CNOT1: variants seen among roughly 807,000 people sequenced by gnomAD.
CNOT1 encodes the protein CCR4-associated factor 1.
In CNOT1, 15 loss-of-function variants were observed where a neutral mutation model predicts 273.8. The ratio of observed to expected loss-of-function variants is 0.05; its 90% CI spans 0.04 to 0.08. CNOT1 has a LOEUF of 0.08. Ranked by LOEUF, CNOT1 falls within the 10% of genes least tolerant of loss-of-function variation. The pLI is 1.00. For synonymous variants in CNOT1, 1,022 were observed against 1,005.5 expected, an observed-to-expected ratio of 1.02 and a Z score of -0.31; for missense variants, 1,644 against 2,912.2, an observed-to-expected ratio of 0.56 and a Z score of 10.02.
rs369191199 is a variant in CNOT1, at chr16:58,599,360, C to T, written c.-23G>A. 1.6e-5 allele frequency: 26 copies of T among 1,613,808 alleles called. No individual in the cohort carries two copies. The highest frequency in any genetic ancestry group is 1.6e-4 in the African/African-American group (12 of 74,912). On this transcript the variant is annotated 5_prime_UTR_variant, in exon 2 of 49. Transcript: ENST00000317147. ...CATTGCTGGTTGGGGCGGAAGCAGG[C>T]GGCCGAGCCCGGCGCAAAATCACCA...
intron 16 of CNOT1, among the ~76,000 whole-genome samples, chr16:58,570,116 C>T (rs2041216045): frequency 6.6e-6 from 1 of 152,112 alleles, no homozygotes; most frequent in Non-Finnish European, 1.5e-5. Context: ...GGAATGCCAA[C>T]CAGGAATCCT....
chr16:58,599,977 C>T (rs2405860), intron 1 of CNOT1, among the ~76,000 whole-genome samples: 114,364 of 151,562 alleles, frequency 0.75, 43,508 homozygotes, highest in Middle Eastern at 0.87. Context: ...GCAGGAGGAC[C>T]GCTTGAAACT....
Position 58,525,273 on chromosome 16 carries a change from G to T in CNOT1, c.6690C>A (p.Ile2230=), listed in dbSNP as rs1448055979. 1 of 1,614,004 alleles carries T rather than the reference G, an allele frequency of 6.2e-7. No homozygotes were observed. Among genetic ancestry groups the T allele is most frequent in the South Asian group, 1.1e-5 (1 of 91,066 alleles). ...LYVGTQAIAH[I]HNKGSTPSMS... is the part of the protein sequence containing the mutation. ...TTGAAGGTGTGCTGCCCTTGTTGTG[G>T]ATGTGCGCAATGGCCTGAGTCCCGA... Residue 2230 remains isoleucine (I), a synonymous_variant, in exon 46 of 49, where the codon ATC becomes ATA. Coordinates refer to ENST00000317147, the MANE Select transcript of CNOT1 (RefSeq NM_016284.5).
Position 58,558,627 on chromosome 16 carries a change from A to G in CNOT1, c.2178T>C (p.Ala726=). The G allele has an allele frequency of 6.2e-7, 1 of 1,613,610 alleles. No homozygotes were observed. The highest frequency in any genetic ancestry group is 8.5e-7 in the Non-Finnish European group (1 of 1,179,812). The change falls in exon 18 of 49, where the codon GCT becomes GCC. Residue 726 remains alanine (A), a synonymous_variant. Coordinates refer to ENST00000317147, the MANE Select transcript of CNOT1 (RefSeq NM_016284.5). ...CCTGCATACTCTGGGTGTGAGGGGC[A>G]GCTGAACCACCTATACTAAGAGATG... is the stretch of plus-strand genomic sequence containing the variant. ...GMTSLSIGGS[A]APHTQSMQGF...
intron 43 of CNOT1, among the ~76,000 whole-genome samples, chr16:58,529,177 C>T (rs894684967): frequency 2.6e-5 from 4 of 152,120 alleles, no homozygotes; most frequent in East Asian, 3.9e-4. Flanking sequence ...ACTTTATGCT[C>T]ATAAATCTGA....
chr16:58,543,786 T>A lies in CNOT1; in HGVS notation c.4255A>T (p.Thr1419Ser). 6.2e-7 allele frequency: 1 copy of A among 1,614,106 alleles called. No homozygotes were observed. The highest frequency in any genetic ancestry group is 8.5e-7 in the Non-Finnish European group (1 of 1,180,022). The change falls in exon 31 of 49, where the codon ACT (threonine) becomes TCT (serine). Residue 1419 changes from threonine (T) to serine (S), a missense_variant. By Grantham distance (58) the Thr-to-Ser change is moderately conservative (BLOSUM62 1). Transcript: ENST00000317147. ...TCCTTCCTGACTATTTGCTCACAAG[T>A]AGTCATGGCAATCTTAATTGATCGA... is the stretch of plus-strand genomic sequence containing the variant. The part of the protein sequence containing the change: ...VDRSIKIAMT[T>S]CEQIVRKDFA...
At chr16:58,622,783 G>A (rs1231291192) in intron 1 of CNOT1, among the ~76,000 whole-genome samples, 5 of 151,306 alleles carry the variant, frequency 3.3e-5, no homozygotes, top group Admixed American at 1.3e-4. Flanking sequence ...GGAGGCAGAG[G>A]TTGCAGTGAG....
chr16:58,523,097 T>C, intron 47 of CNOT1: 1 of 201,830 alleles, frequency 5.0e-6, no homozygotes, highest in Non-Finnish European at 1.0e-5. Context: ...ATACAAAAAT[T>C]AGCTGGGCGT....
At chr16:58,584,662 T>TTTTTTTTTTTTTTTTTTGAGA (rs2041776047) in intron 8 of CNOT1, among the ~76,000 whole-genome samples, 1 of 152,098 alleles carries the variant, frequency 6.6e-6, no homozygotes, top group African/African-American at 2.4e-5. Context: ...TGCATCTTAT[T>TTTTTTTTTTTTTTTTTTGAGA]CAGTTTGATT....
chr16:58,560,699 G>A lies in CNOT1; in HGVS notation c.1980-337C>T, dbSNP rs140717350. On this transcript the variant is annotated intron_variant, in intron 16 of 48. Coordinates refer to ENST00000317147, the MANE Select transcript of CNOT1 (RefSeq NM_016284.5). ...TTGAGGCCAACCTGGGCAAGATAGC[G>A]AGACCCCATGTCTACAAATATTAAA... Among the ~76,000 whole-genome samples, 67 of 152,250 alleles carry A rather than the reference G, an allele frequency of 4.4e-4. No homozygotes were observed. The East Asian group carries it at 0.013, about 29-fold the overall frequency.
At chr16:58,589,629 A>T (rs1211376313) in intron 2 of CNOT1, among the ~76,000 whole-genome samples, 2 of 152,204 alleles carry the variant, frequency 1.3e-5, no homozygotes, top group Non-Finnish European at 2.9e-5. Flanking sequence ...CAAAAACACC[A>T]CATGGCATTG....
intron 1 of CNOT1, among the ~76,000 whole-genome samples, chr16:58,607,804 C>T (rs1480378288): frequency 6.7e-6 from 1 of 149,004 alleles, no homozygotes; most frequent in Non-Finnish European, 1.5e-5. Context: ...GAAGTCAGAA[C>T]AAAAATTCAC....
intron 31 of CNOT1, chr16:58,543,181 C>A: frequency 6.9e-7 from 1 of 1,456,230 alleles, no homozygotes; most frequent in Non-Finnish European, 9.1e-7. Flanking sequence ...GAATTATTAA[C>A]CATGATATCT....
In CNOT1 at chr16:58,574,641, C is replaced by A. The variant is rs772275643; in HGVS notation, c.1947G>T (p.Ala649=). The part of the protein sequence containing the change: ...KSAQLPPETL[A]TMLACLQACA... Reference sequence around the variant, plus strand: ...AAGCTTGCAGACAGGCCAACATTGTCGCCAAAGTTTCTGGAGGAAGTTGAG... The same window carrying A: ...AAGCTTGCAGACAGGCCAACATTGTAGCCAAAGTTTCTGGAGGAAGTTGAG... Residue 649 remains alanine, a synonymous_variant, in exon 16 of 49, where the codon GCG becomes GCT. Transcript: ENST00000317147. 2 of 1,600,658 alleles carry A rather than the reference C, an allele frequency of 1.2e-6. No homozygotes were observed. Among genetic ancestry groups the A allele is most frequent in the Non-Finnish European group, 8.5e-7 (1 of 1,177,336 alleles).
intron 1 of CNOT1, among the ~76,000 whole-genome samples, chr16:58,605,642 G>A (rs1230664839): frequency 6.6e-6 from 1 of 152,108 alleles, no homozygotes; most frequent in East Asian, 1.9e-4. Flanking sequence ...CAATAAAAAT[G>A]CTAAATCCTT....
At chr16:58,569,693 C>A (rs1189443066) in intron 16 of CNOT1, among the ~76,000 whole-genome samples, 4 of 138,994 alleles carry the variant, frequency 2.9e-5, no homozygotes, top group Non-Finnish European at 6.1e-5. Context: ...ATTATCCAGC[C>A]TGAGAAAATG....
intron 3 of CNOT1, 145 bp from the exon 4 acceptor site, chr16:58,588,023 G>T: frequency 1.2e-6 from 1 of 854,396 alleles, no homozygotes; most frequent in Non-Finnish European, 1.7e-6. Flanking sequence ...ATCTCGCCAG[G>T]TGCGGTGGTT....
chr16:58,626,940 G>C (rs1294798906), intron 1 of CNOT1, among the ~76,000 whole-genome samples: 2 of 151,820 alleles, frequency 1.3e-5, no homozygotes, highest in Admixed American at 6.6e-5. Context: ...CTCCCAAAAA[G>C]CTAGGATACA....
chr16:58,545,322 C>G, intron 30 of CNOT1, 39 bp downstream of exon 30: 1 of 1,601,094 alleles, frequency 6.2e-7, no homozygotes, highest in Non-Finnish European at 8.5e-7. Context: ...TACCTTATCA[C>G]AAACTAGAAG....
Sources: gnomAD v4.1 joint callset for allele counts (sites outside exome capture counted in the v4.1 genomes callset) on GRCh38, gnomAD v4.1.1 for gene constraint, MANE v1.5 for transcripts, NCBI Gene and HGNC (gene_info 2026-07-23, HGNC 2026-07-21) for gene names.